GRIA2: variants seen among roughly 807,000 people sequenced by gnomAD.
GRIA2 encodes the protein glutamate receptor 2.
A neutral mutation model predicts 97.3 loss-of-function variants in GRIA2; 14 were observed. The observed-to-expected ratio is 0.14, with a 90% confidence interval of 0.10 to 0.23. The LOEUF (loss-of-function observed/expected upper bound fraction) is 0.23, where lower values mean the gene tolerates loss of function less well. Among genes scored for constraint, GRIA2 ranks in the 10% least tolerant of loss-of-function variants. GRIA2 has a pLI of 1.00. For missense variants in GRIA2, 558 were observed against 1,069.8 expected (o/e 0.52, Z 6.67); for synonymous variants, 412 against 387.8 (o/e 1.06, Z -0.73).
chr4:157,255,050 A>C (rs1238788240), intron 2 of GRIA2, among the ~76,000 whole-genome samples: 1 of 151,986 alleles, frequency 6.6e-6, no homozygotes, highest in Non-Finnish European at 1.5e-5. Flanking sequence ...ATTGTACCTA[A>C]TAGGTAATTT....
chr4:157,305,413 A>G (rs1311079992), intron 3 of GRIA2, among the ~76,000 whole-genome samples: 2 of 152,050 alleles, frequency 1.3e-5, no homozygotes, highest in Non-Finnish European at 2.9e-5. Context: ...AGTAGCAGGA[A>G]TTACTGTTAA....
Position 157,312,690 on chromosome 4 carries a change from C to T in GRIA2, c.481C>T (p.Leu161=), listed in dbSNP as rs1187275229. Residue 161 remains leucine, a synonymous_variant, in exon 4 of 16, where the codon CTG becomes TTG. Transcript: ENST00000264426. ...CTTTGCCTTCCTAGGCTTATCAACA[C>T]TGCAAGCTGTGCTGGATTCTGCTGC... The part of the protein sequence containing the change: ...LYDSDRGLST[L]QAVLDSAAEK... The T allele has an allele frequency of 1.3e-6, 2 of 1,599,928 alleles. No individual in the cohort carries two copies. The highest frequency in any genetic ancestry group is 2.3e-5 in the East Asian group (1 of 44,284).
At chr4:157,317,754 T>A (rs1251911041) in intron 5 of GRIA2, 43 bp downstream of exon 5, 1 of 783,086 alleles carries the variant, frequency 1.3e-6, no homozygotes, top group South Asian at 1.6e-5. Context: ...TAGATATGCT[T>A]ATTTATTAAA....
At chr4:157,337,571 G>T (rs1369514936) in intron 11 of GRIA2, among the ~76,000 whole-genome samples, 1 of 151,832 alleles carries the variant, frequency 6.6e-6, no homozygotes, top group Non-Finnish European at 1.5e-5. Flanking sequence ...CACTCTACTG[G>T]CACATTTTAA....
Position 157,276,231 on chromosome 4 carries a change from G to T in GRIA2, c.230-27321G>T, listed in dbSNP as rs200093621. On this transcript the variant is annotated intron_variant, in intron 2 of 15. Coordinates refer to ENST00000264426, the MANE Select transcript of GRIA2 (RefSeq NM_001083619.3). ...GGAATTAAAGTAAAAACCAATAACA[G>T]AAAGATAGCTGGAAAATCCCCAAAT... Among the ~76,000 whole-genome samples, 23 of 152,182 alleles carry T rather than the reference G, an allele frequency of 1.5e-4. No individual in the cohort carries two copies. The East Asian group carries it at 4.3e-3, about 28-fold the overall frequency.
intron 2 of GRIA2, among the ~76,000 whole-genome samples, chr4:157,226,029 T>G (rs996934010): frequency 2.0e-5 from 3 of 152,016 alleles, no homozygotes; most frequent in African/African-American, 7.2e-5. Context: ...CTACAGGGTT[T>G]GAAAATTAAA....
rs552564786 is a variant in GRIA2 at position 157,365,907 on chromosome 4, A to T, written c.*2476A>T. The T allele has an allele frequency of 1.3e-5, 2 of 151,900 alleles. No homozygotes were observed. Among genetic ancestry groups the T allele is most frequent in the Admixed American group, 1.3e-4 (2 of 15,178 alleles). The allele number at this position is 151,900 out of a possible 1,614,324, so 9.4% of individuals were successfully genotyped here. On this transcript the variant is annotated 3_prime_UTR_variant, in exon 16 of 16. Transcript: ENST00000264426. Reference sequence around the variant, plus strand: ...TAAGTGGGTGTCAAACTCCAAGAAGACATACACTTTCTATAACTTCTATTG... The same window carrying T: ...TAAGTGGGTGTCAAACTCCAAGAAGTCATACACTTTCTATAACTTCTATTG...
At chr4:157,338,809 C>T (rs1332155211) in intron 11 of GRIA2, among the ~76,000 whole-genome samples, 1 of 151,902 alleles carries the variant, frequency 6.6e-6, no homozygotes, top group Non-Finnish European at 1.5e-5. Flanking sequence ...CAACATAATA[C>T]ATTGGAAAAG....
At position 157,287,870 on chromosome 4, in the gene GRIA2, A is replaced by G. The variant is rs570725995; in HGVS notation, c.230-15682A>G. ...TTAATTGTCATGAAGACAGTCTTCA[A>G]TGTCCTGCCTAACATTTCTGTTTTC... On this transcript the variant is annotated intron_variant, in intron 2 of 15. Coordinates refer to ENST00000264426, the MANE Select transcript of GRIA2 (RefSeq NM_001083619.3). 3.3e-5 allele frequency among the ~76,000 whole-genome samples: 5 copies of G among 151,750 alleles called. No individual in the cohort carries two copies. In the East Asian group the frequency reaches 7.8e-4, roughly 24 times the overall value.
intron 2 of GRIA2, among the ~76,000 whole-genome samples, chr4:157,223,631 T>C (rs1294587219): frequency 6.6e-6 from 1 of 152,230 alleles, no homozygotes; most frequent in Admixed American, 6.5e-5. Context: ...AGTATCTAAC[T>C]GTGTGTAATT....
At chr4:157,321,643 G>T (rs1734573921) in intron 6 of GRIA2, 44 bp downstream of exon 6, 1 of 1,373,240 alleles carries the variant, frequency 7.3e-7, no homozygotes, top group Admixed American at 1.9e-5. Context: ...CATATGTGAG[G>T]AGAGAGAAGA....
intron 2 of GRIA2, among the ~76,000 whole-genome samples, chr4:157,262,648 T>C (rs1029027533): frequency 1.3e-5 from 2 of 152,092 alleles, no homozygotes. Flanking sequence ...TTCTGACCAC[T>C]ATTTAATTGA....
intron 2 of GRIA2, among the ~76,000 whole-genome samples, chr4:157,248,666 T>C (rs2126735238): frequency 7.5e-6 from 1 of 133,528 alleles, no homozygotes; most frequent in African/African-American, 2.8e-5. Context: ...CGTATATATT[T>C]ATGCACGTGT....
intron 12 of GRIA2, among the ~76,000 whole-genome samples, chr4:157,346,595 A>G (rs1367840532): frequency 6.6e-6 from 1 of 152,172 alleles, no homozygotes; most frequent in African/African-American, 2.4e-5. Flanking sequence ...ATATCGAAAT[A>G]GACCCTTCAT....
intron 2 of GRIA2, among the ~76,000 whole-genome samples, chr4:157,293,708 A>G (rs916778708): frequency 1.3e-5 from 2 of 152,144 alleles, no homozygotes; most frequent in African/African-American, 4.8e-5. Context: ...CCAAAAACAA[A>G]ATAAGCTACA....
At chr4:157,285,968 A>G (rs1732826955) in intron 2 of GRIA2, among the ~76,000 whole-genome samples, 1 of 151,546 alleles carries the variant, frequency 6.6e-6, no homozygotes, top group Non-Finnish European at 1.5e-5. Flanking sequence ...TATAATAATA[A>G]GGATTTAAAC....
At chr4:157,275,177 T>A (rs1309496593) in intron 2 of GRIA2, among the ~76,000 whole-genome samples, 1 of 152,188 alleles carries the variant, frequency 6.6e-6, no homozygotes, top group African/African-American at 2.4e-5. Flanking sequence ...TTTTGAGAAG[T>A]GTCTGTTCAT....
chr4:157,281,119 C>T (rs965758564), intron 2 of GRIA2, among the ~76,000 whole-genome samples: 4 of 152,006 alleles, frequency 2.6e-5, no homozygotes, highest in Non-Finnish European at 4.4e-5. Context: ...AGGTGAAAGG[C>T]ACAGAATAAC....
intron 2 of GRIA2, among the ~76,000 whole-genome samples, chr4:157,234,831 T>C (rs1481497263): frequency 6.6e-6 from 1 of 152,138 alleles, no homozygotes; most frequent in Non-Finnish European, 1.5e-5. Context: ...AAATAATTAC[T>C]TGGTCAGAGA....
Sources: gnomAD v4.1 joint callset for allele counts (sites outside exome capture counted in the v4.1 genomes callset) on GRCh38, gnomAD v4.1.1 for gene constraint, MANE v1.5 for transcripts, NCBI Gene and HGNC (gene_info 2026-07-23, HGNC 2026-07-21) for gene names.